Variants in CARD19 observed in about 807,000 individuals in gnomAD.
CARD19 encodes the protein caspase recruitment domain-containing protein 19.
A neutral mutation model predicts 24.1 loss-of-function variants in CARD19; 25 were observed. That is an observed-to-expected ratio of 1.04 (90% confidence interval 0.76 to 1.45). CARD19 has a LOEUF of 1.45. Among genes scored for constraint, CARD19 ranks in the 40% most tolerant of loss-of-function variants. The pLI is 0.00. For synonymous variants in CARD19, 103 were observed against 104.9 expected, an observed-to-expected ratio of 0.98 and a Z score of 0.11; for missense variants, 241 against 247.4, an observed-to-expected ratio of 0.97 and a Z score of 0.17.
chr9:93,098,596 G>A (rs1288696018), intron 1 of CARD19, among the ~76,000 whole-genome samples: 1 of 152,200 alleles, frequency 6.6e-6, no homozygotes, highest in African/African-American at 2.4e-5. Flanking sequence ...CTTGTTTATC[G>A]GGAGCTGGCA....
rs756272015 is a variant in CARD19, at chr9:93,112,302, G to A, written c.436+13G>A. 97 of 1,541,544 alleles carry A rather than the reference G, an allele frequency of 6.3e-5. 2 individuals are homozygous for A. The highest frequency in any genetic ancestry group is 5.7e-4 in the South Asian group (48 of 84,030). ...TGCTATCCGCCAGGTGGGTGCAAGC[G>A]GATCCTCATGGGGCTGGGCCTGCCT... On this transcript the variant is annotated intron_variant, in intron 5 of 5. Coordinates refer to ENST00000375464, the MANE Select transcript of CARD19 (RefSeq NM_032310.5).
At chr9:93,102,636 C>T (rs1424064608) in intron 1 of CARD19, among the ~76,000 whole-genome samples, 3 of 143,788 alleles carry the variant, frequency 2.1e-5, no homozygotes, top group Non-Finnish European at 4.5e-5. Flanking sequence ...AATATGAATC[C>T]TCCAACCCTG....
intron 2 of CARD19, among the ~76,000 whole-genome samples, chr9:93,108,052 TTCA>T (rs1827330386): frequency 6.6e-6 from 1 of 152,212 alleles, no homozygotes; most frequent in Non-Finnish European, 1.5e-5. Flanking sequence ...CCTCGGTTTC[TTCA>T]TATGTCATTG....
intron 1 of CARD19, among the ~76,000 whole-genome samples, chr9:93,107,253 G>A (rs1827297596): frequency 6.6e-6 from 1 of 152,166 alleles, no homozygotes; most frequent in Non-Finnish European, 1.5e-5. Flanking sequence ...TTGGTATTAC[G>A]GGTGTGAGCC....
At chr9:93,109,506 G>A (rs113695221) in intron 2 of CARD19, among the ~76,000 whole-genome samples, 2,193 of 149,804 alleles carry the variant, frequency 0.015, 64 homozygotes, top group African/African-American at 0.051. Flanking sequence ...AGTCTCTGTC[G>A]CCCAGGCTGG....
intron 3 of CARD19, chr9:93,111,212 C>T (rs988715073): frequency 5.1e-6 from 6 of 1,178,780 alleles, no homozygotes; most frequent in African/African-American, 3.2e-5. Context: ...ATGGCTGGTC[C>T]GAAGCACGTG....
intron 2 of CARD19, among the ~76,000 whole-genome samples, chr9:93,109,450 C>T (rs1189153726): frequency 5.4e-5 from 8 of 147,706 alleles, no homozygotes; most frequent in Middle Eastern, 3.5e-3. Context: ...TCATACACAT[C>T]AAAAGAGCCA....
At chr9:93,099,571 C>G (rs1483076022) in intron 1 of CARD19, among the ~76,000 whole-genome samples, 1 of 152,162 alleles carries the variant, frequency 6.6e-6, no homozygotes, top group Non-Finnish European at 1.5e-5. Context: ...TGACGTAGGG[C>G]TCACAGAGTG....
chr9:93,102,225 G>A (rs554868109), intron 1 of CARD19, among the ~76,000 whole-genome samples: 10 of 152,078 alleles, frequency 6.6e-5, no homozygotes, highest in Non-Finnish European at 1.5e-4. Context: ...GCTCCCCTTA[G>A]CCTCCCAAAG....
chr9:93,111,155 C>T (rs769756494), intron 3 of CARD19: 129 of 1,213,570 alleles, frequency 1.1e-4, no homozygotes, highest in Admixed American at 1.6e-4. Context: ...TTCATTGCAG[C>T]GATCTGCACA....
intron 5 of CARD19, 83 bp downstream of exon 5, chr9:93,112,372 G>A: frequency 8.1e-7 from 1 of 1,234,424 alleles, no homozygotes; most frequent in South Asian, 1.3e-5. Context: ...CCCAATTTGG[G>A]ACCCCTTGGC....
Position 93,096,844 on chromosome 9 carries a change from C to T in CARD19, c.7+492C>T, listed in dbSNP as rs1233210433. 6.6e-6 allele frequency among the ~76,000 whole-genome samples: 1 copy of T among 152,238 alleles called. No homozygotes were observed. Among genetic ancestry groups the T allele is most frequent in the East Asian group, 1.9e-4 (1 of 5,198 alleles). On this transcript the variant is annotated intron_variant, in intron 1 of 5. Transcript: ENST00000375464. This position sits in a 1 kb window ranked among gnomAD's most constrained non-coding sequence, Gnocchi z 5.4. ...AGGTCGCGGGACAGGCGATGCGTTC[C>T]TCGGCGGCATGTGATTCCTGTGGGA...
chr9:93,109,807 G>A (rs1827391270), intron 2 of CARD19: 1 of 152,060 alleles, frequency 6.6e-6, no homozygotes, highest in Non-Finnish European at 1.5e-5. Flanking sequence ...ACATTCTGTA[G>A]ACTGAAAAAT....
intron 1 of CARD19, among the ~76,000 whole-genome samples, chr9:93,100,605 A>G (rs1326245691): frequency 6.6e-6 from 1 of 152,218 alleles, no homozygotes; most frequent in Non-Finnish European, 1.5e-5. Context: ...TTCAGTGTAC[A>G]CTTCAGTGAT....
intron 1 of CARD19, among the ~76,000 whole-genome samples, chr9:93,104,928 C>T (rs1357071486): frequency 6.6e-6 from 1 of 151,938 alleles, no homozygotes; most frequent in Non-Finnish European, 1.5e-5. Context: ...CACTGTTTTT[C>T]GATTCTCTAT....
chr9:93,108,339 G>A (rs1827341803), intron 2 of CARD19, among the ~76,000 whole-genome samples: 1 of 152,100 alleles, frequency 6.6e-6, no homozygotes, highest in African/African-American at 2.4e-5. Flanking sequence ...CTATATTACT[G>A]TACGAGGCTG....
rs201271055 is a variant in CARD19, at chr9:93,110,592, C to G, written c.175C>G (p.Arg59Gly). The G allele has an allele frequency of 3.1e-6, 5 of 1,610,062 alleles. No homozygotes were observed. The African/African-American group carries it at 6.7e-5, about 22-fold the overall frequency. Residue 59 changes from arginine to glycine, a missense_variant, in exon 3 of 6, where the codon CGT (arginine) becomes GGT (glycine). Arg to Gly is a moderately radical substitution (Grantham distance 125). Transcript: ENST00000375464. ...GTTCCGGAACCCCAAGGCATCCTTGCGTGTGCGGCTCTGTGACCTCCTGAG... is the reference window on the plus strand; with the variant it reads ...GTTCCGGAACCCCAAGGCATCCTTGGGTGTGCGGCTCTGTGACCTCCTGAG... ...EKFRNPKASLRVRLCDLLSHL... is the reference protein window; with the variant it reads ...EKFRNPKASLGVRLCDLLSHL...
At chr9:93,110,519 A>T in intron 2 of CARD19, 49 bp from the exon 3 acceptor site, 1 of 1,547,524 alleles carries the variant, frequency 6.5e-7, no homozygotes. Flanking sequence ...CCTGACCCAC[A>T]GCCAGCCCCC....
chr9:93,106,767 G>T (rs1827279823), intron 1 of CARD19, among the ~76,000 whole-genome samples: 1 of 151,896 alleles, frequency 6.6e-6, no homozygotes, highest in African/African-American at 2.4e-5. Context: ...TCCCTTCTCA[G>T]TTTCTTTTGT....
Sources: gnomAD v4.1 joint callset for allele counts (sites outside exome capture counted in the v4.1 genomes callset) on GRCh38, gnomAD v4.1.1 for gene constraint, Gnocchi (gnomAD v3.1) non-coding constraint, MANE v1.5 for transcripts, NCBI Gene and HGNC (gene_info 2026-07-23, HGNC 2026-07-21) for gene names.